The following DTNA variants were observed in gnomAD, a reference collection of about 807,000 sequenced individuals.
DTNA encodes the protein dystrophin-related protein 3.
DTNA carries 43 observed loss-of-function variants against 100.7 expected under a neutral mutation model. The ratio of observed to expected loss-of-function variants is 0.43; its 90% CI spans 0.33 to 0.55. The LOEUF is 0.55. DTNA is among the 20% of genes least tolerant of loss of function. DTNA has a pLI of 0.04. For synonymous variants in DTNA, 349 were observed against 347.9 expected (o/e 1.00, Z -0.04); for missense variants, 798 against 953.9 (o/e 0.84, Z 2.15).
intron 1 of DTNA, among the ~76,000 whole-genome samples, chr18:34,533,465 C>A (rs2043360713): frequency 6.6e-6 from 1 of 151,618 alleles, no homozygotes; most frequent in Non-Finnish European, 1.5e-5. Flanking sequence ...GGTTCAGTAT[C>A]AGCAAGTAAC....
intron 3 of DTNA, among the ~76,000 whole-genome samples, chr18:34,785,312 C>T (rs1011283610): frequency 3.9e-5 from 6 of 152,118 alleles, no homozygotes; most frequent in African/African-American, 1.2e-4. Flanking sequence ...GGAAAACAAA[C>T]CTCAAGTTAT....
intron 1 of DTNA, among the ~76,000 whole-genome samples, chr18:34,655,717 C>A (rs2074276866): frequency 6.6e-6 from 1 of 152,214 alleles, no homozygotes; most frequent in East Asian, 1.9e-4. Context: ...AGTAATATTC[C>A]TGGGAGCTGG....
At chr18:34,503,279 ATTTTTTTTTT>A (rs869258771) in intron 1 of DTNA, among the ~76,000 whole-genome samples, 6 of 62,094 alleles carry the variant, frequency 9.7e-5, no homozygotes, top group African/African-American at 3.3e-4. Flanking sequence ...TAATTGGCTC[ATTTTTTTTTT>A]TTTTTTTTTT....
intron 3 of DTNA, among the ~76,000 whole-genome samples, chr18:34,792,721 G>T (rs530905601): frequency 2.3e-4 from 35 of 152,312 alleles, no homozygotes; most frequent in African/African-American, 7.7e-4. Flanking sequence ...ATGTAAGATG[G>T]TTCAACTACT....
chr18:34,753,370 T>TA lies in DTNA; in HGVS notation c.-1-2606_-1-2605insA, dbSNP rs1568412717. On this transcript the variant is annotated intron_variant, in intron 1 of 22. Transcript: ENST00000444659. Reference sequence around the variant, plus strand: ...ATTTATTTATTTATTTATTTTATTTTTTTTTTTTTTTTATTTTTTATTTTT... The same window carrying TA: ...ATTTATTTATTTATTTATTTTATTTTATTTTTTTTTTTTATTTTTTATTTTT... 1.6e-3 allele frequency among the ~76,000 whole-genome samples: 152 copies of TA among 93,004 alleles called. 1 individual carries two copies. The highest frequency in any genetic ancestry group is 3.3e-3 in the African/African-American group (54 of 16,302). The allele number at this position is 93,004 out of a possible 152,430, so 61.0% of individuals were successfully genotyped here.
chr18:34,723,368 C>G (rs2085805622), intron 1 of DTNA, among the ~76,000 whole-genome samples: 1 of 152,070 alleles, frequency 6.6e-6, no homozygotes, highest in South Asian at 2.1e-4. Flanking sequence ...AGTGGTGCCT[C>G]CCTGTGTGGA....
Position 34,766,119 on chromosome 18 carries a change from G to A in DTNA, c.148+78G>A. 3 of 1,462,744 alleles carry A rather than the reference G, an allele frequency of 2.1e-6. No homozygotes were observed. The South Asian group carries it at 3.5e-5, about 17-fold the overall frequency. The allele number at this position is 1,462,744 out of a possible 1,614,324, so 90.6% of individuals were successfully genotyped here. The stretch of plus-strand genomic sequence containing the variant: ...ATTTGGTACTAAGTTTATTAAACTA[G>A]ATTCTGTTACAAATATTGCTAATAT... On this transcript the variant is annotated intron_variant, in intron 3 of 22. Transcript: ENST00000444659.
intron 9 of DTNA, chr18:34,821,402 G>T (rs1340322137): frequency 2.2e-6 from 1 of 455,874 alleles, no homozygotes; most frequent in East Asian, 6.9e-5. Context: ...CATAGCCTGT[G>T]CAGGGGAAGG....
chr18:34,711,758 A>G (rs2082945846), intron 1 of DTNA, among the ~76,000 whole-genome samples: 1 of 152,162 alleles, frequency 6.6e-6, no homozygotes, highest in African/African-American at 2.4e-5. Context: ...CATATGTCCA[A>G]GCCATTTTCT....
At chr18:34,793,390 C>A (rs926235325) in intron 3 of DTNA, among the ~76,000 whole-genome samples, 1 of 152,168 alleles carries the variant, frequency 6.6e-6, no homozygotes, top group Non-Finnish European at 1.5e-5. Flanking sequence ...CAAGAAACTT[C>A]TTGTTCTTGA....
At chr18:34,547,546 A>G (rs892845890) in intron 1 of DTNA, among the ~76,000 whole-genome samples, 3 of 152,120 alleles carry the variant, frequency 2.0e-5, no homozygotes, top group Admixed American at 2.0e-4. Flanking sequence ...TGAAAATTAC[A>G]CATTGCCCTT....
chr18:34,713,980 G>T (rs1038623114), intron 1 of DTNA, among the ~76,000 whole-genome samples: 5 of 152,050 alleles, frequency 3.3e-5, no homozygotes, highest in African/African-American at 9.7e-5. Flanking sequence ...AAGCAATGGG[G>T]AAAGGATTCC....
At chr18:34,728,217 A>G (rs2087202760) in intron 1 of DTNA, among the ~76,000 whole-genome samples, 1 of 152,300 alleles carries the variant, frequency 6.6e-6, no homozygotes, top group African/African-American at 2.4e-5. Context: ...CTTCTTTTGT[A>G]TAATTATTGG....
chr18:34,873,693 G>A, intron 17 of DTNA, among the ~76,000 whole-genome samples: 1 of 152,234 alleles, frequency 6.6e-6, no homozygotes, highest in East Asian at 1.9e-4. Flanking sequence ...GAGAGTGTAT[G>A]TGAAAACCCT....
intron 1 of DTNA, among the ~76,000 whole-genome samples, chr18:34,735,804 A>G (rs534811935): frequency 3.9e-5 from 6 of 152,294 alleles, no homozygotes; most frequent in African/African-American, 7.2e-5. Flanking sequence ...TAAGCCCAGC[A>G]TGCATTAGCT....
chr18:34,560,280 A>G (rs2046517568), intron 1 of DTNA, among the ~76,000 whole-genome samples: 1 of 152,230 alleles, frequency 6.6e-6, no homozygotes, highest in Admixed American at 6.5e-5. Flanking sequence ...TATATTCACA[A>G]TATGTACCAT....
chr18:34,581,614 CTAGT>C (rs1268544618), intron 1 of DTNA, among the ~76,000 whole-genome samples: 1 of 139,178 alleles, frequency 7.2e-6, no homozygotes, highest in Non-Finnish European at 1.5e-5. Context: ...AGGCATGCCC[CTAGT>C]TAGTTTTTTT....
intron 1 of DTNA, among the ~76,000 whole-genome samples, chr18:34,690,008 G>C (rs2079517948): frequency 6.6e-6 from 1 of 152,204 alleles, no homozygotes; most frequent in South Asian, 2.1e-4. Context: ...CCAAACTTGA[G>C]AGTCACAGAT....
intron 1 of DTNA, among the ~76,000 whole-genome samples, chr18:34,570,077 C>T (rs1473130982): frequency 6.6e-6 from 1 of 152,208 alleles, no homozygotes; most frequent in Admixed American, 6.5e-5. Flanking sequence ...GGAGACCTTC[C>T]TGTAAACCTT....
Sources: gnomAD v4.1 joint callset for allele counts (sites outside exome capture counted in the v4.1 genomes callset) on GRCh38, gnomAD v4.1.1 for gene constraint, MANE v1.5 for transcripts, NCBI Gene and HGNC (gene_info 2026-07-23, HGNC 2026-07-21) for gene names.